KCNT2: variants seen among roughly 807,000 people sequenced by gnomAD.
KCNT2 encodes the protein potassium sodium-activated channel subfamily T member 2.
In KCNT2, 67 loss-of-function variants were observed where a neutral mutation model predicts 153.8. That is an observed-to-expected ratio of 0.44 (90% CI 0.36 to 0.53). KCNT2 has a LOEUF of 0.53. Ranked by LOEUF, KCNT2 falls within the 20% of genes least tolerant of loss-of-function variation. The pLI, the probability that KCNT2 is intolerant of heterozygous loss-of-function variation, is 0.00. For synonymous variants in KCNT2, 500 were observed against 458.8 expected (o/e 1.09, Z -1.15); for missense variants, 975 against 1,354.8 (o/e 0.72, Z 4.40).
chr1:196,378,957 C>T (rs888875247), intron 13 of KCNT2, among the ~76,000 whole-genome samples: 9 of 151,004 alleles, frequency 6.0e-5, no homozygotes, highest in African/African-American at 1.5e-4. Context: ...ATTCCCCCCA[C>T]CCCACTTTCA....
chr1:196,368,694 C>T (rs1464183964), intron 14 of KCNT2, among the ~76,000 whole-genome samples: 1 of 152,050 alleles, frequency 6.6e-6, no homozygotes, highest in Non-Finnish European at 1.5e-5. Context: ...ACTATATTTG[C>T]TTTCCTTTTC....
intron 12 of KCNT2, among the ~76,000 whole-genome samples, chr1:196,405,808 A>G (rs905592854): frequency 6.6e-6 from 1 of 151,580 alleles, no homozygotes; most frequent in Admixed American, 6.6e-5. Context: ...TAAGATTACT[A>G]GTATATAAAG....
chr1:196,523,227 C>T (rs1462208950), intron 1 of KCNT2, among the ~76,000 whole-genome samples: 2 of 152,098 alleles, frequency 1.3e-5, no homozygotes, highest in Admixed American at 1.3e-4. Context: ...AGCAAGACCA[C>T]GAACCCACCG....
At chr1:196,391,427 T>C (rs1035114869) in intron 13 of KCNT2, among the ~76,000 whole-genome samples, 1 of 151,416 alleles carries the variant, frequency 6.6e-6, no homozygotes, top group Non-Finnish European at 1.5e-5. Context: ...ACCATAGGCA[T>C]AGGATATGAT....
chr1:196,482,567 A>G (rs1280903420), intron 3 of KCNT2, among the ~76,000 whole-genome samples, 188 bp from the exon 4 acceptor site: 1 of 152,058 alleles, frequency 6.6e-6, no homozygotes, highest in Non-Finnish European at 1.5e-5. Context: ...TCCGATAAAA[A>G]CTTTTTGAAT....
At chr1:196,459,933 TG>T (rs1401067323) in intron 8 of KCNT2, among the ~76,000 whole-genome samples, 1 of 151,846 alleles carries the variant, frequency 6.6e-6, no homozygotes, top group Non-Finnish European at 1.5e-5. Context: ...CTCTCTTTGA[TG>T]GCCAATTTTT....
At chr1:196,386,066 T>C (rs944960517) in intron 13 of KCNT2, among the ~76,000 whole-genome samples, 1 of 152,088 alleles carries the variant, frequency 6.6e-6, no homozygotes, top group Non-Finnish European at 1.5e-5. Flanking sequence ...TGCCACATCA[T>C]GAGGATGCTC....
intron 18 of KCNT2, 101 bp from the exon 19 acceptor site, chr1:196,326,990 T>A (rs919707772): frequency 4.6e-6 from 3 of 658,872 alleles, no homozygotes; most frequent in Non-Finnish European, 7.6e-6. Context: ...TTGAACAATG[T>A]AAATCCTTAT....
rs1344955170 is a variant in KCNT2, at chr1:196,337,835, C to G, written c.1783+2506G>C. 2.6e-5 allele frequency among the ~76,000 whole-genome samples: 4 copies of G among 151,986 alleles called. No individual in the cohort carries two copies. In the East Asian group the frequency reaches 5.8e-4, roughly 22 times the overall value. On this transcript the variant is annotated intron_variant, in intron 16 of 27. Coordinates refer to ENST00000294725, the MANE Select transcript of KCNT2 (RefSeq NM_198503.5). The stretch of plus-strand genomic sequence containing the variant: ...AGTTTTTCCTTTATAACTTATAACC[C>G]ACTAGCATATTAAGTAATTTACTTA...
At chr1:196,593,653 G>C (rs1209820610) in intron 1 of KCNT2, among the ~76,000 whole-genome samples, 1 of 151,504 alleles carries the variant, frequency 6.6e-6, no homozygotes, top group Non-Finnish European at 1.5e-5. Flanking sequence ...AACATCTCAT[G>C]TACCCCAAAA....
Position 196,530,747 on chromosome 1 carries a change from C to T in KCNT2, c.96-38406G>A, listed in dbSNP as rs548298187. Reference sequence around the variant, plus strand: ...AACAAAATAAGAAACATCGTTTACACTTAATAACATCTCTATCACAAGATT... The same window carrying T: ...AACAAAATAAGAAACATCGTTTACATTTAATAACATCTCTATCACAAGATT... On this transcript the variant is annotated intron_variant, in intron 1 of 27. Transcript: ENST00000294725. Among the ~76,000 whole-genome samples the T allele has an allele frequency of 1.2e-4, 18 of 152,150 alleles. 2 individuals carry two copies. Among genetic ancestry groups the T allele is most frequent in the African/African-American group, 4.3e-4 (18 of 41,552 alleles).
At chr1:196,590,783 C>A (rs954827248) in intron 1 of KCNT2, among the ~76,000 whole-genome samples, 1 of 152,110 alleles carries the variant, frequency 6.6e-6, no homozygotes, top group Non-Finnish European at 1.5e-5. Flanking sequence ...GTATTCTCTT[C>A]CTTACTGATA....
chr1:196,521,901 A>G (rs546494660), intron 1 of KCNT2, among the ~76,000 whole-genome samples: 3 of 152,318 alleles, frequency 2.0e-5, no homozygotes, highest in East Asian at 3.9e-4. Context: ...CTATGACACA[A>G]GTTTACCTAT....
intron 1 of KCNT2, among the ~76,000 whole-genome samples, chr1:196,583,178 G>A (rs78336203): frequency 0.015 from 2,205 of 152,032 alleles, 57 homozygotes; most frequent in African/African-American, 0.05. Context: ...AATTAGAAGC[G>A]TAATAATTAA....
intron 25 of KCNT2, among the ~76,000 whole-genome samples, chr1:196,269,943 A>C (rs527725228): frequency 1.3e-5 from 2 of 152,204 alleles, no homozygotes; most frequent in South Asian, 2.1e-4. Flanking sequence ...TAAATACTTA[A>C]TAAAATAGCC....
chr1:196,604,231 A>G (rs1665062896), intron 1 of KCNT2, among the ~76,000 whole-genome samples: 2 of 152,244 alleles, frequency 1.3e-5, no homozygotes, highest in Admixed American at 1.3e-4. Context: ...TCATCATAAC[A>G]TAAACAATAC....
rs147067701 is a variant in KCNT2 at position 196,277,853 on chromosome 1, A to C, written c.2910+3007T>G. Among the ~76,000 whole-genome samples, 3 of 152,250 alleles carry C rather than the reference A, an allele frequency of 2.0e-5. No homozygotes were observed. The East Asian group carries it at 5.8e-4, about 29-fold the overall frequency. ...CTGCGTTTTTATATAATCTTAAAAAAATAATGTTTTATTCTTTAAATACAA... is the reference window on the plus strand; with the variant it reads ...CTGCGTTTTTATATAATCTTAAAAACATAATGTTTTATTCTTTAAATACAA... On this transcript the variant is annotated intron_variant, in intron 25 of 27. Coordinates refer to ENST00000294725, the MANE Select transcript of KCNT2 (RefSeq NM_198503.5).
At chr1:196,374,018 G>C (rs147376394) in intron 13 of KCNT2, among the ~76,000 whole-genome samples, 5 of 151,800 alleles carry the variant, frequency 3.3e-5, no homozygotes, top group African/African-American at 1.2e-4. Flanking sequence ...TGTTATGCAG[G>C]AATGAGGGCT....
chr1:196,427,736 T>C (rs924933465), intron 10 of KCNT2, among the ~76,000 whole-genome samples: 2 of 152,098 alleles, frequency 1.3e-5, no homozygotes, highest in African/African-American at 4.8e-5. Context: ...GCAGATGATA[T>C]TGAAATGGTT....
Sources: gnomAD v4.1 joint callset for allele counts (sites outside exome capture counted in the v4.1 genomes callset) on GRCh38, gnomAD v4.1.1 for gene constraint, MANE v1.5 for transcripts, NCBI Gene and HGNC (gene_info 2026-07-23, HGNC 2026-07-21) for gene names.